FRMD4A: variants seen among roughly 807,000 people sequenced by gnomAD.
FRMD4A encodes FERM domain-containing protein 4A.
In FRMD4A, 29 loss-of-function variants were observed where a neutral mutation model predicts 129.1. The ratio of observed to expected loss-of-function variants is 0.22; its 90% CI spans 0.17 to 0.31. The LOEUF (loss-of-function observed/expected upper bound fraction) is 0.31. FRMD4A is among the 10% of genes least tolerant of loss of function. The pLI is 1.00. For missense variants in FRMD4A, 1,272 were observed against 1,375.8 expected, an observed-to-expected ratio of 0.92 and a Z score of 1.19; for synonymous variants, 634 against 571.6, an observed-to-expected ratio of 1.11 and a Z score of -1.56.
chr10:13,884,182 A>ACACACTCACACACTCT (rs1564971339), intron 2 of FRMD4A, among the ~76,000 whole-genome samples: 4 of 56,420 alleles, frequency 7.1e-5, no homozygotes, highest in East Asian at 5.4e-4. Context: ...ACACTCACAC[A>ACACACTCACACACTCT]CACACACACA....
At chr10:13,743,809 C>A (rs909214591) in intron 9 of FRMD4A, among the ~76,000 whole-genome samples, 1 of 152,106 alleles carries the variant, frequency 6.6e-6, no homozygotes, top group Non-Finnish European at 1.5e-5. Context: ...TGACCGAGAA[C>A]CTATTCTGCT....
At chr10:14,283,345 T>C (rs1426363602) in intron 2 of FRMD4A, among the ~76,000 whole-genome samples, 1 of 152,188 alleles carries the variant, frequency 6.6e-6, no homozygotes, top group East Asian at 1.9e-4. Flanking sequence ...TTGGCAATAG[T>C]TGAAAAGCTG....
chr10:13,798,381 T>C (rs777984281), intron 4 of FRMD4A, among the ~76,000 whole-genome samples: 5 of 150,200 alleles, frequency 3.3e-5, no homozygotes, highest in Non-Finnish European at 5.9e-5. Flanking sequence ...CATTGCACTC[T>C]AGCCTAGGCG....
At chr10:13,770,738 C>T (rs2092433295) in intron 6 of FRMD4A, among the ~76,000 whole-genome samples, 1 of 152,164 alleles carries the variant, frequency 6.6e-6, no homozygotes, top group Non-Finnish European at 1.5e-5. Flanking sequence ...GCTACTGATT[C>T]CTGGCCTGGA....
At chr10:13,676,467 G>T (rs1226045241) in intron 15 of FRMD4A, among the ~76,000 whole-genome samples, 3 of 147,932 alleles carry the variant, frequency 2.0e-5, no homozygotes, top group Non-Finnish European at 1.5e-5. Context: ...TTGAGACGGG[G>T]TTTCACCATG....
intron 2 of FRMD4A, among the ~76,000 whole-genome samples, chr10:14,021,216 C>T (rs1832729600): frequency 6.6e-6 from 1 of 151,840 alleles, no homozygotes; most frequent in South Asian, 2.1e-4. Context: ...GGTGGGGAAG[C>T]TATACAGAAA....
chr10:14,110,908 T>G (rs1038494396), intron 2 of FRMD4A, among the ~76,000 whole-genome samples: 1 of 152,224 alleles, frequency 6.6e-6, no homozygotes, highest in African/African-American at 2.4e-5. Context: ...CATAGGTCAC[T>G]GCAGCCTTGA....
chr10:13,652,032 T>A (rs2081656746), intron 23 of FRMD4A, 58 bp from the exon 24 acceptor site: 1 of 902,298 alleles, frequency 1.1e-6, no homozygotes, highest in Non-Finnish European at 1.9e-6. Context: ...AGAGAGACAC[T>A]GACACAGACA....
At chr10:13,709,781 G>A (rs1302381035) in intron 12 of FRMD4A, among the ~76,000 whole-genome samples, 1 of 152,174 alleles carries the variant, frequency 6.6e-6, no homozygotes, top group African/African-American at 2.4e-5. Context: ...AAGGTCCTTG[G>A]CTTGATTTCC....
At chr10:14,182,519 C>G (rs1223877709) in intron 2 of FRMD4A, among the ~76,000 whole-genome samples, 1 of 152,196 alleles carries the variant, frequency 6.6e-6, no homozygotes, top group Non-Finnish European at 1.5e-5. Flanking sequence ...TGCACTCCAG[C>G]CTGGACAACA....
chr10:13,872,532 T>A (rs185014598), intron 2 of FRMD4A, among the ~76,000 whole-genome samples: 1 of 152,364 alleles, frequency 6.6e-6, no homozygotes, highest in East Asian at 1.9e-4. Flanking sequence ...AATGTCCAGG[T>A]TCTTACGCAT....
At chr10:13,781,438 T>G (rs1262874183) in intron 6 of FRMD4A, among the ~76,000 whole-genome samples, 4 of 133,692 alleles carry the variant, frequency 3.0e-5, no homozygotes, top group South Asian at 2.6e-4. Flanking sequence ...AGTGCAGTGG[T>G]ATGATCTCGG....
At position 13,659,213 on chromosome 10, in the gene FRMD4A, AG is replaced by A. The variant is rs1254017431; in HGVS notation, c.2066+109del. On this transcript the variant is annotated intron_variant, in intron 21 of 24. Coordinates refer to ENST00000357447, the MANE Select transcript of FRMD4A (RefSeq NM_018027.5). The stretch of plus-strand genomic sequence containing the variant: ...TTTATTCCGCTTCATTTATCCTCCC[AG>A]GTTCAGGTCTGACTGTAGCTCATCC... The A allele has an allele frequency of 8.1e-6, 8 of 984,404 alleles. No homozygotes were observed. The East Asian group carries it at 1.5e-4, about 18-fold the overall frequency. 61.0% of individuals were successfully genotyped at this position (984,404 alleles called of 1,614,324 possible).
rs7917090 is a variant in FRMD4A, at chr10:13,821,870, C to T, written c.112-10962G>A. ...GAAACCTGTCCAGGACGAGGGTGGG[C>T]ACCTTGGTTACCAGCATAGGTGAGG... On this transcript the variant is annotated intron_variant, in intron 3 of 24. Transcript: ENST00000357447. The surrounding 1 kb of genome is among the most constrained non-coding windows in gnomAD (Gnocchi z 4.3). Among the ~76,000 whole-genome samples the T allele has an allele frequency of 0.15, 22,603 of 152,066 alleles. 1,939 individuals carry two copies. The highest frequency in any genetic ancestry group is 0.32 in the East Asian group (1,672 of 5,156).
intron 2 of FRMD4A, among the ~76,000 whole-genome samples, chr10:14,261,506 C>T (rs1242271618): frequency 6.6e-6 from 1 of 152,196 alleles, no homozygotes; most frequent in African/African-American, 2.4e-5. Context: ...AAAGCTGCCA[C>T]TTCTGTCATG....
chr10:14,174,222 G>T (rs774530206), intron 2 of FRMD4A, among the ~76,000 whole-genome samples: 16 of 152,052 alleles, frequency 1.1e-4, no homozygotes, highest in Non-Finnish European at 2.4e-4. Context: ...GCAAAGCGCC[G>T]TTCCTGGAGA....
At chr10:13,858,719 T>C in intron 3 of FRMD4A, 128 bp downstream of exon 3, 1 of 722,404 alleles carries the variant, frequency 1.4e-6, no homozygotes, top group African/African-American at 1.7e-5. Flanking sequence ...GTCCTAGTCA[T>C]TCTCTCACAG....
chr10:13,787,056 C>T (rs1396349908), intron 5 of FRMD4A, among the ~76,000 whole-genome samples: 1 of 152,098 alleles, frequency 6.6e-6, no homozygotes, highest in East Asian at 1.9e-4. Context: ...TCTGTGACTG[C>T]CTTCATTTCC....
intron 2 of FRMD4A, among the ~76,000 whole-genome samples, chr10:13,887,282 T>C (rs2094634616): frequency 6.6e-6 from 1 of 152,234 alleles, no homozygotes; most frequent in Non-Finnish European, 1.5e-5. Context: ...CCTCTATTAC[T>C]TTCCAACAAC....
Sources: allele counts gnomAD v4.1 joint callset (sites outside exome capture counted in the v4.1 genomes callset), GRCh38; gene constraint gnomAD v4.1.1; non-coding constraint Gnocchi (gnomAD v3.1); transcripts MANE v1.5; gene names NCBI Gene and HGNC (gene_info 2026-07-23, HGNC 2026-07-21).